Variants in ACTR5 observed in about 807,000 individuals in gnomAD.
The protein encoded by ACTR5 is actin-related protein 5.
ACTR5 carries 43 observed loss-of-function variants against 61.2 expected under a neutral mutation model. The ratio of observed to expected loss-of-function variants is 0.70; its 90% CI spans 0.55 to 0.91. The LOEUF (loss-of-function observed/expected upper bound fraction) is 0.91, where lower values mean the gene tolerates loss of function less well. Among genes scored for constraint, ACTR5 ranks in the 40% least tolerant of loss-of-function variants. The pLI is 0.00. For synonymous variants in ACTR5, 333 were observed against 310.5 expected (o/e 1.07, Z -0.76); for missense variants, 798 against 782.2 (o/e 1.02, Z -0.24).
intron 5 of ACTR5, among the ~76,000 whole-genome samples, chr20:38,756,736 CTG>C: frequency 6.6e-6 from 1 of 152,306 alleles, no homozygotes; most frequent in South Asian, 2.1e-4. Flanking sequence ...GAAACCCTGT[CTG>C]TACTAAAAAT....
intron 5 of ACTR5, among the ~76,000 whole-genome samples, chr20:38,757,326 C>T (rs781386320): frequency 6.6e-6 from 1 of 152,156 alleles, no homozygotes; most frequent in South Asian, 2.1e-4. Flanking sequence ...GTCCAGAAGT[C>T]GCTGGTTGAG....
rs763833552 is a variant in ACTR5, at chr20:38,766,388, G to A, written c.1433+11G>A. 85 of 1,567,012 alleles carry A rather than the reference G, an allele frequency of 5.4e-5. 1 individual carries two copies. The highest frequency in any genetic ancestry group is 5.9e-5 in the Non-Finnish European group (68 of 1,159,642). On this transcript the variant is annotated intron_variant, in intron 7 of 8. Transcript: ENST00000243903. ...GTACATTCTGGACAGGTGAGACAGC[G>A]AATCTGCTTTTCCTTCTATCTTCCT...
Position 38,771,541 on chromosome 20 carries a change from T to C in ACTR5, c.1567-18T>C. The C allele has an allele frequency of 1.2e-6, 2 of 1,604,638 alleles. No homozygotes were observed. Among genetic ancestry groups the C allele is most frequent in the Non-Finnish European group, 1.7e-6 (2 of 1,174,232 alleles). ...TGGAGCCCTGGTGGAGGTGTCCTGGTGAATCTTTGTGTTTCAGGTTCAACT... is the reference window on the plus strand; with the variant it reads ...TGGAGCCCTGGTGGAGGTGTCCTGGCGAATCTTTGTGTTTCAGGTTCAACT... On this transcript the variant is annotated intron_variant, in intron 8 of 8. Coordinates refer to ENST00000243903, the MANE Select transcript of ACTR5 (RefSeq NM_024855.4).
At chr20:38,763,124 T>A (rs1263959320) in intron 5 of ACTR5, among the ~76,000 whole-genome samples, 11 of 152,252 alleles carry the variant, frequency 7.2e-5, no homozygotes, top group Non-Finnish European at 1.5e-4. Flanking sequence ...CATTCCGAGC[T>A]GGATCAGTGT....
Position 38,772,125 on chromosome 20 carries a change from A to C in ACTR5, c.*309A>C. On this transcript the variant is annotated 3_prime_UTR_variant, in exon 9 of 9. Transcript: ENST00000243903. ...AGAGTGGAGGACACAAATGTACAAA[A>C]TGCACAAGACTGATTTCTTACCACA... The C allele has an allele frequency of 2.8e-6, 1 of 355,176 alleles. No homozygotes were observed. The highest frequency in any genetic ancestry group is 5.2e-6 in the Non-Finnish European group (1 of 192,908). The allele number at this position is 355,176 out of a possible 1,614,324, so 22.0% of individuals were successfully genotyped here.
At chr20:38,761,725 A>G (rs1328632813) in intron 5 of ACTR5, 2 of 154,256 alleles carry the variant, frequency 1.3e-5, no homozygotes, top group Non-Finnish European at 2.9e-5. Flanking sequence ...GTATACGAGT[A>G]GCTGCGCTCC....
At chr20:38,771,120 C>T (rs1351312626) in intron 8 of ACTR5, among the ~76,000 whole-genome samples, 1 of 152,236 alleles carries the variant, frequency 6.6e-6, no homozygotes, top group Non-Finnish European at 1.5e-5. Flanking sequence ...TCTCTGCTGC[C>T]ATTTCTCCTG....
At position 38,748,470 on chromosome 20, in the gene ACTR5, C is replaced by T; in HGVS notation, c.-9C>T. ...GCGCCGAGGGGCGGGGCTGGACGCG[C>T]GCTCCAAGATGGCGGCGAACGTGTT... On this transcript the variant is annotated 5_prime_UTR_variant, in exon 1 of 9. Transcript: ENST00000243903. The T allele has an allele frequency of 6.8e-7, 1 of 1,471,262 alleles. No homozygotes were observed. 91.1% of individuals were successfully genotyped at this position (1,471,262 alleles called of 1,614,324 possible). A position where few individuals can be genotyped will look rare whatever the true frequency, so the allele number is the denominator to read the frequency against.
At chr20:38,753,138 A>G (rs62202467) in intron 3 of ACTR5, among the ~76,000 whole-genome samples, 26,555 of 152,132 alleles carry the variant, frequency 0.17, 2,268 homozygotes, top group Admixed American at 0.19. Context: ...TTGCCAGAAG[A>G]CACGGCTGAG....
chr20:38,749,604 A>T (rs944207321), intron 1 of ACTR5, among the ~76,000 whole-genome samples: 1 of 152,214 alleles, frequency 6.6e-6, no homozygotes, highest in African/African-American at 2.4e-5. Context: ...TAAAAGGATC[A>T]CTATTACTGC....
In ACTR5 at chr20:38,766,361, C is replaced by G; in HGVS notation, c.1417C>G (p.Gln473Glu). The G allele has an allele frequency of 6.2e-7, 1 of 1,608,224 alleles. No homozygotes were observed. Among genetic ancestry groups the G allele is most frequent in the Non-Finnish European group, 8.5e-7 (1 of 1,178,536 alleles). ...ACAGGCTGGGATTGCAGAGACTCTT[C>G]AGTACATTCTGGACAGGTGAGACAG... The part of the protein sequence containing the change: ...EEQAGIAETL[Q>E]YILDRYPKDI... The change falls in exon 7 of 9, where the codon CAG becomes GAG. Residue 473 changes from glutamine to glutamate, a missense_variant. Transcript: ENST00000243903.
intron 5 of ACTR5, among the ~76,000 whole-genome samples, chr20:38,756,858 C>G (rs1003810968): frequency 6.6e-6 from 1 of 152,184 alleles, no homozygotes; most frequent in Non-Finnish European, 1.5e-5. Flanking sequence ...GAGCCGAGAC[C>G]GCTCCGTTGC....
At chr20:38,766,474 C>T (rs2084487552) in intron 7 of ACTR5, 97 bp downstream of exon 7, 2 of 1,381,902 alleles carry the variant, frequency 1.4e-6, no homozygotes, top group Admixed American at 2.5e-5. Context: ...CTTGAAAATG[C>T]ATCTCACTCT....
rs1379025694 is a variant in ACTR5, at chr20:38,748,516, C to T, written c.38C>T (p.Ala13Val). The T allele has an allele frequency of 3.3e-6, 5 of 1,499,898 alleles. No individual in the cohort carries two copies. Among genetic ancestry groups the T allele is most frequent in the Admixed American group, 2.2e-5 (1 of 45,096 alleles). 92.9% of individuals were successfully genotyped at this position (1,499,898 alleles called of 1,614,324 possible). A position where few individuals can be genotyped will look rare whatever the true frequency, so the allele number is the denominator to read the frequency against. Residue 13 changes from alanine to valine, a missense_variant, in exon 1 of 9, where the codon GCC (alanine) becomes GTC (valine). Physicochemically the swap from Ala to Val is moderately conservative, Grantham distance 64 (BLOSUM62 0). Coordinates refer to ENST00000243903, the MANE Select transcript of ACTR5 (RefSeq NM_024855.4). ...ANVFPFRDAR[A>V]APDPVLEAGP... ...GTGTTCCCGTTCCGCGACGCCCGTG[C>T]CGCACCGGACCCAGTGCTGGAGGCC...
At chr20:38,752,579 C>T (rs2084393797) in intron 3 of ACTR5, among the ~76,000 whole-genome samples, 1 of 152,120 alleles carries the variant, frequency 6.6e-6, no homozygotes, top group South Asian at 2.1e-4. Flanking sequence ...CAGAACATAT[C>T]AGACTAAAAA....
rs2084368617 is a variant in ACTR5 at position 38,748,831 on chromosome 20, A to G, written c.353A>G (p.Gln118Arg). ...LQELLLDYSF[Q>R]HLGVSSQGCV... Reference sequence around the variant, plus strand: ...GAGTTGCTGCTGGACTACAGCTTCCAGCACCTGGGTGTCTCCTCACAGGTG... The same window carrying G: ...GAGTTGCTGCTGGACTACAGCTTCCGGCACCTGGGTGTCTCCTCACAGGTG... Residue 118 changes from glutamine to arginine, a missense_variant, in exon 1 of 9, where the codon CAG becomes CGG. Transcript: ENST00000243903. 19 of 1,608,294 alleles carry G rather than the reference A, an allele frequency of 1.2e-5. No homozygotes were observed. The highest frequency in any genetic ancestry group is 1.6e-5 in the Non-Finnish European group (19 of 1,178,660).
intron 8 of ACTR5, among the ~76,000 whole-genome samples, chr20:38,768,873 G>A (rs974733941): frequency 1.3e-5 from 2 of 152,132 alleles, no homozygotes; most frequent in East Asian, 3.9e-4. Flanking sequence ...GAACCATGAA[G>A]GAGTCTAAGC....
At chr20:38,760,753 C>T (rs1324850007) in intron 5 of ACTR5, among the ~76,000 whole-genome samples, 1 of 152,156 alleles carries the variant, frequency 6.6e-6, no homozygotes, top group African/African-American at 2.4e-5. Flanking sequence ...AGATTCCACC[C>T]TTGTAACCCT....
At chr20:38,768,808 A>G (rs981265678) in intron 8 of ACTR5, among the ~76,000 whole-genome samples, 1 of 152,182 alleles carries the variant, frequency 6.6e-6, no homozygotes, top group African/African-American at 2.4e-5. Flanking sequence ...AGGTAACAGT[A>G]GGGTGGTCCT....
Sources: allele counts gnomAD v4.1 joint callset (sites outside exome capture counted in the v4.1 genomes callset), GRCh38; gene constraint gnomAD v4.1.1; transcripts MANE v1.5; gene names NCBI Gene and HGNC (gene_info 2026-07-23, HGNC 2026-07-21).